Variants in ATIC observed in about 807,000 individuals in gnomAD.
ATIC encodes 5-aminoimidazole-4-carboxamide ribonucleotide formyltransferase/IMP cyclohydrolase.
A neutral mutation model predicts 72.5 loss-of-function variants in ATIC; 64 were observed. The ratio of observed to expected loss-of-function variants is 0.88; its 90% CI spans 0.72 to 1.09. The LOEUF is 1.09. Ranked by LOEUF, ATIC falls within the 50% of genes least tolerant of loss-of-function variation. The pLI is 0.00. For synonymous variants in ATIC, 281 were observed against 267.1 expected, an observed-to-expected ratio of 1.05 and a Z score of -0.51; for missense variants, 787 against 732.4, an observed-to-expected ratio of 1.07 and a Z score of -0.86.
At chr2:215,352,421 A>G (rs999934873), downstream of ATIC, among the ~76,000 whole-genome samples, 3 of 152,082 alleles carry the variant, frequency 2.0e-5, no homozygotes, top group Non-Finnish European at 4.4e-5. Context: ...GTCTCTACTA[A>G]AATTACAAAA....
At position 215,346,455 on chromosome 2, in the gene ATIC, C is replaced by G. The variant is rs184413018; in HGVS notation, c.1321-304C>G. ...GGATTACAGGCATGAGCCAGTGCACCCAGCATTGGTCATTTATTTTAACTT... is the reference window on the plus strand; with the variant it reads ...GGATTACAGGCATGAGCCAGTGCACGCAGCATTGGTCATTTATTTTAACTT... On this transcript the variant is annotated intron_variant, in intron 13 of 15. Coordinates refer to ENST00000236959, the MANE Select transcript of ATIC (RefSeq NM_004044.7). 7.0e-3 allele frequency among the ~76,000 whole-genome samples: 1,058 copies of G among 151,990 alleles called. 14 individuals carry two copies. The highest frequency in any genetic ancestry group is 0.024 in the African/African-American group (997 of 41,388).
chr2:215,332,613 A>T, intron 8 of ATIC, 106 bp downstream of exon 8: 2 of 1,398,908 alleles, frequency 1.4e-6, no homozygotes, highest in Non-Finnish European at 1.9e-6. Flanking sequence ...CATGCTATGA[A>T]ATCTGAAAGT....
chr2:215,367,829 A>G, the ATIC span: 1 of 1,612,040 alleles, frequency 6.2e-7, no homozygotes, highest in Non-Finnish European at 8.5e-7. Flanking sequence ...TGAGGAGACA[A>G]ACACGGAAGT....
chr2:215,345,797 G>A (rs2053065102), intron 13 of ATIC, among the ~76,000 whole-genome samples: 1 of 152,170 alleles, frequency 6.6e-6, no homozygotes, highest in African/African-American at 2.4e-5. Flanking sequence ...AGGAGGAGGC[G>A]GCTGCCCAGG....
Position 215,332,417 on chromosome 2 carries a change from G to A in ATIC, c.724G>A (p.Asp242Asn), listed in dbSNP as rs140409106. The A allele has an allele frequency of 6.8e-6, 11 of 1,613,914 alleles. 1 individual carries two copies. Among genetic ancestry groups the A allele is most frequent in the South Asian group, 2.2e-5 (2 of 91,090 alleles). Reference sequence around the variant, plus strand: ...AGCCCCTGGATTTATAAACTTGTGCGATGCTTTGAACGCCTGGCAGCTGGT... The same window carrying A: ...AGCCCCTGGATTTATAAACTTGTGCAATGCTTTGAACGCCTGGCAGCTGGT... ...NGAPGFINLCDALNAWQLVKE... is the reference protein window; with the variant it reads ...NGAPGFINLCNALNAWQLVKE... Residue 242 changes from aspartate (D) to asparagine (N), a missense_variant, in exon 8 of 16, where the codon GAT (aspartate) becomes AAT (asparagine). Transcript: ENST00000236959.
chr2:215,346,353 G>A (rs2053070624), intron 13 of ATIC, among the ~76,000 whole-genome samples: 1 of 152,066 alleles, frequency 6.6e-6, no homozygotes, highest in African/African-American at 2.4e-5. Context: ...TTTTTGTAGA[G>A]ATGAGATGTT....
At chr2:215,350,034 C>G (rs553875355), downstream of ATIC, among the ~76,000 whole-genome samples, 1 of 152,148 alleles carries the variant, frequency 6.6e-6, no homozygotes, top group African/African-American at 2.4e-5. Flanking sequence ...ATGTAAATTA[C>G]CTAGAATTCT....
chr2:215,329,507 G>A (rs888589220), intron 7 of ATIC, among the ~76,000 whole-genome samples: 4 of 152,164 alleles, frequency 2.6e-5, no homozygotes, highest in African/African-American at 9.7e-5. Flanking sequence ...TGTGGTTTGA[G>A]TATTTGGCAG....
At chr2:215,338,752 C>T (rs1163774915) in intron 11 of ATIC, 27 bp from the exon 12 acceptor site, 2 of 1,609,980 alleles carry the variant, frequency 1.2e-6, no homozygotes, top group Admixed American at 1.7e-5. Flanking sequence ...GAGAGATTAA[C>T]TTTAACTTTT....
intron 8 of ATIC, 45 bp downstream of exon 8, chr2:215,332,552 A>G: frequency 6.2e-7 from 1 of 1,604,586 alleles, no homozygotes; most frequent in Non-Finnish European, 8.5e-7. Context: ...TTCGAAAGGC[A>G]TTTCTTCTTA....
the ATIC span, chr2:215,365,654 A>C: frequency 6.2e-7 from 1 of 1,613,486 alleles, no homozygotes; most frequent in Non-Finnish European, 8.5e-7. Flanking sequence ...GAAAGTCAGG[A>C]CCAAAAAGTT....
chr2:215,315,609 C>T (rs2052699659), intron 2 of ATIC, among the ~76,000 whole-genome samples: 1 of 152,180 alleles, frequency 6.6e-6, no homozygotes, highest in African/African-American at 2.4e-5. Context: ...CCTGCCTTGG[C>T]CTCCCAAAGT....
chr2:215,354,614 A>G (rs766005267), downstream of ATIC, among the ~76,000 whole-genome samples: 13 of 151,882 alleles, frequency 8.6e-5, no homozygotes, highest in Non-Finnish European at 1.8e-4. Context: ...TAATTTTCTC[A>G]TGAATTCCTA....
At chr2:215,338,077 T>C (rs2052976256) in intron 11 of ATIC, among the ~76,000 whole-genome samples, 1 of 152,232 alleles carries the variant, frequency 6.6e-6, no homozygotes, top group Admixed American at 6.5e-5. Flanking sequence ...TTATAAATTA[T>C]ATGTCAGGGC....
chr2:215,354,884 T>TC, the ATIC span, among the ~76,000 whole-genome samples: 1 of 151,866 alleles, frequency 6.6e-6, no homozygotes, highest in African/African-American at 2.4e-5. Context: ...CAGCGTGTGC[T>TC]TGAGACAGCC....
the ATIC span, chr2:215,368,126 A>C: frequency 8.0e-7 from 1 of 1,254,192 alleles, no homozygotes; most frequent in Non-Finnish European, 1.1e-6. Flanking sequence ...ACTTAATCTA[A>C]AACAAGAATT....
At chr2:215,337,327 A>C (rs1386125871) in intron 11 of ATIC, among the ~76,000 whole-genome samples, 1 of 152,182 alleles carries the variant, frequency 6.6e-6, no homozygotes, top group Non-Finnish European at 1.5e-5. Flanking sequence ...CATAGATTCC[A>C]TGTCAGCTAT....
chr2:215,322,149 C>T (rs777142296), intron 4 of ATIC, among the ~76,000 whole-genome samples: 23 of 151,414 alleles, frequency 1.5e-4, no homozygotes, highest in Admixed American at 7.2e-4. Flanking sequence ...GTTATCTGCC[C>T]GCCTTGGCCT....
intron 4 of ATIC, among the ~76,000 whole-genome samples, chr2:215,322,058 A>G (rs899230217): frequency 2.0e-5 from 3 of 150,634 alleles, no homozygotes; most frequent in Admixed American, 6.6e-5. Context: ...CCGCCACCAC[A>G]CTTGGCTAAT....
Sources: gnomAD v4.1 joint callset for allele counts (sites outside exome capture counted in the v4.1 genomes callset) on GRCh38, gnomAD v4.1.1 for gene constraint, MANE v1.5 for transcripts, NCBI Gene and HGNC (gene_info 2026-07-23, HGNC 2026-07-21) for gene names.